The following TCF7L2 variants were observed in gnomAD, a reference collection of about 807,000 sequenced individuals.
The protein encoded by TCF7L2 is transcription factor 7 like 2.
Under a neutral mutation model 77.9 loss-of-function variants are expected in TCF7L2, and 23 were observed. That is an observed-to-expected ratio of 0.30 (90% confidence interval 0.21 to 0.42). The LOEUF is 0.42. TCF7L2 is among the 10% of genes least tolerant of loss of function. The pLI is 1.00. For missense variants in TCF7L2, 654 were observed against 793.1 expected, an observed-to-expected ratio of 0.82 and a Z score of 2.11; for synonymous variants, 413 against 340.2, an observed-to-expected ratio of 1.21 and a Z score of -2.36.
chr10:113,072,577 A>T (rs1470590302), intron 5 of TCF7L2, among the ~76,000 whole-genome samples: 1 of 151,326 alleles, frequency 6.6e-6, no homozygotes, highest in East Asian at 1.9e-4. Context: ...CTGGTCTCGA[A>T]CTCCTGACCT....
In TCF7L2 at chr10:113,045,134, C is replaced by G. The variant is rs138053001; in HGVS notation, c.552+5008C>G. 3.9e-5 allele frequency among the ~76,000 whole-genome samples: 6 copies of G among 152,088 alleles called. No homozygotes were observed. In the East Asian group the frequency reaches 1.2e-3, roughly 29 times the overall value. On this transcript the variant is annotated intron_variant, in intron 5 of 13. Coordinates refer to ENST00000627217, the MANE Select transcript of TCF7L2 (RefSeq NM_001146274.2). ...TGTCCTTTTAGAGAGATTGTATTTG[C>G]CATTGATTGATTCATTCATTGTTTC... is the stretch of plus-strand genomic sequence containing the variant.
At chr10:112,979,073 CT>C (rs1564737700) in intron 4 of TCF7L2, among the ~76,000 whole-genome samples, 1 of 152,136 alleles carries the variant, frequency 6.6e-6, no homozygotes, top group African/African-American at 2.4e-5. Flanking sequence ...CTAAAGCCCC[CT>C]AGTGAGTTGG....
chr10:113,040,275 T>A, intron 5 of TCF7L2, 149 bp downstream of exon 5: 2 of 692,464 alleles, frequency 2.9e-6, no homozygotes, highest in Non-Finnish European at 4.7e-6. Flanking sequence ...TTTATATCTA[T>A]AAGGTATTCA....
At chr10:113,005,375 T>A (rs1426902813) in intron 4 of TCF7L2, among the ~76,000 whole-genome samples, 1 of 152,074 alleles carries the variant, frequency 6.6e-6, no homozygotes, top group Non-Finnish European at 1.5e-5. Flanking sequence ...TGTGGAGGGG[T>A]GCCCCATCTT....
chr10:113,165,808 G>T lies in TCF7L2; in HGVS notation c.1645G>T (p.Ala549Ser), dbSNP rs1414332733. 6.2e-7 allele frequency: 1 copy of T among 1,604,276 alleles called. No individual in the cohort carries two copies. ...CGCTGAGGCCACCCACAAGGCCTCC[G>T]CCCTCTGTCCCAACGGGGCCCTGGA... The change falls in exon 14 of 14, where the codon GCC becomes TCC. Residue 549 changes from alanine to serine, a missense_variant. By Grantham distance (99) the Ala-to-Ser change is moderately conservative (BLOSUM62 1). Transcript: ENST00000627217.
intron 5 of TCF7L2, among the ~76,000 whole-genome samples, chr10:113,082,989 A>G (rs1400095407): frequency 1.3e-5 from 2 of 152,038 alleles, no homozygotes; most frequent in Admixed American, 1.3e-4. Context: ...TTGTAAAGGT[A>G]TGTGAAAAAG....
intron 5 of TCF7L2, among the ~76,000 whole-genome samples, chr10:113,075,649 C>T (rs1283305842): frequency 6.6e-6 from 1 of 152,114 alleles, no homozygotes; most frequent in African/African-American, 2.4e-5. Context: ...AAGCTAGTAG[C>T]TTCTCAAGCT....
chr10:113,080,010 A>G (rs2059158676), intron 5 of TCF7L2, among the ~76,000 whole-genome samples: 1 of 151,864 alleles, frequency 6.6e-6, no homozygotes, highest in Non-Finnish European at 1.5e-5. Flanking sequence ...TGACCCCTGC[A>G]TCTTATGTGT....
At chr10:113,103,658 C>T (rs775383219) in intron 5 of TCF7L2, among the ~76,000 whole-genome samples, 14 of 152,190 alleles carry the variant, frequency 9.2e-5, no homozygotes, top group Non-Finnish European at 7.4e-5. Flanking sequence ...GGTTACAATG[C>T]GTGAGATGGC....
At chr10:113,011,115 G>A (rs1027469064) in intron 4 of TCF7L2, among the ~76,000 whole-genome samples, 1 of 152,230 alleles carries the variant, frequency 6.6e-6, no homozygotes, top group Non-Finnish European at 1.5e-5. Context: ...TTTAGTTGGA[G>A]TATCCTTAAT....
Position 112,964,675 on chromosome 10 carries a change from T to G in TCF7L2, c.450+51T>G, listed in dbSNP as rs964639844. The G allele has an allele frequency of 2.6e-6, 4 of 1,512,022 alleles. No individual in the cohort carries two copies. In the African/African-American group the frequency reaches 5.5e-5, roughly 21 times the overall value. 93.7% of individuals were successfully genotyped at this position (1,512,022 alleles called of 1,614,324 possible). ...CTTGAATTGTCTATATGTAGGTCTC[T>G]TGTGTGTTTTATTCTCCGCCCCTTC... On this transcript the variant is annotated intron_variant, in intron 4 of 13. Transcript: ENST00000627217.
chr10:113,051,609 G>A (rs1331355338), intron 5 of TCF7L2, among the ~76,000 whole-genome samples: 4 of 152,196 alleles, frequency 2.6e-5, no homozygotes, highest in Admixed American at 2.0e-4. Context: ...GTTTGTGGTC[G>A]TCTGAGGACT....
At chr10:112,968,680 G>A (rs1036620148) in intron 4 of TCF7L2, among the ~76,000 whole-genome samples, 4 of 152,138 alleles carry the variant, frequency 2.6e-5, no homozygotes, top group Non-Finnish European at 4.4e-5. Context: ...CCAGGATCAA[G>A]CAATTCTCCT....
intron 4 of TCF7L2, among the ~76,000 whole-genome samples, chr10:112,977,808 C>G (rs970143531): frequency 6.6e-6 from 1 of 152,106 alleles, no homozygotes; most frequent in African/African-American, 2.4e-5. Context: ...GCTGGGGTGT[C>G]GTCTCAGCAG....
intron 13 of TCF7L2, among the ~76,000 whole-genome samples, chr10:113,163,391 C>T (rs1206462017): frequency 3.3e-5 from 5 of 152,208 alleles, no homozygotes; most frequent in Non-Finnish European, 7.3e-5. Flanking sequence ...CTGCTTGGTG[C>T]TGTTCCCTTG....
intron 4 of TCF7L2, among the ~76,000 whole-genome samples, chr10:112,970,121 G>A (rs748491083): frequency 9.2e-5 from 14 of 152,168 alleles, no homozygotes; most frequent in Non-Finnish European, 1.8e-4. Flanking sequence ...AAAACAAACT[G>A]TGTAAACCTT....
chr10:113,153,738 T>C (rs2071248852), intron 11 of TCF7L2, among the ~76,000 whole-genome samples: 1 of 152,174 alleles, frequency 6.6e-6, no homozygotes, highest in African/African-American at 2.4e-5. Context: ...CACAAGTTAT[T>C]ACAGGGATTC....
chr10:113,095,547 G>C (rs1383218878), intron 5 of TCF7L2, among the ~76,000 whole-genome samples: 1 of 152,038 alleles, frequency 6.6e-6, no homozygotes, highest in Middle Eastern at 3.2e-3. Flanking sequence ...CCTCAGTGAG[G>C]TCATATTCCC....
At chr10:113,014,932 A>G (rs2047088705) in intron 4 of TCF7L2, among the ~76,000 whole-genome samples, 2 of 152,208 alleles carry the variant, frequency 1.3e-5, no homozygotes, top group Non-Finnish European at 2.9e-5. Context: ...TCATGCCTAT[A>G]ATCCCAGCAC....
Sources: allele counts gnomAD v4.1 joint callset (sites outside exome capture counted in the v4.1 genomes callset), GRCh38; gene constraint gnomAD v4.1.1; transcripts MANE v1.5; gene names NCBI Gene and HGNC (gene_info 2026-07-23, HGNC 2026-07-21).